The following MLIP variants were observed in gnomAD, a reference collection of about 807,000 sequenced individuals.
MLIP encodes muscular LMNA-interacting protein.
A neutral mutation model predicts 84.8 loss-of-function variants in MLIP; 79 were observed. The ratio of observed to expected loss-of-function variants is 0.93; its 90% confidence interval spans 0.78 to 1.12. MLIP has a LOEUF of 1.12. Among genes scored for constraint, MLIP ranks in the 50% most tolerant of loss-of-function variants. The pLI is 0.00. For synonymous variants in MLIP, 504 were observed against 463.0 expected (o/e 1.09, Z -1.14); for missense variants, 1,257 against 1,160.6 (o/e 1.08, Z -1.21).
At chr6:54,250,088 G>T (rs533310640) in intron 12 of MLIP, among the ~76,000 whole-genome samples, 9 of 151,798 alleles carry the variant, frequency 5.9e-5, no homozygotes, top group Non-Finnish European at 1.3e-4. Flanking sequence ...AGGATGATGC[G>T]TCCAACAATC....
chr6:54,215,927 T>A (rs1224742030), intron 11 of MLIP: 1 of 156,814 alleles, frequency 6.4e-6, no homozygotes, highest in African/African-American at 2.4e-5. Flanking sequence ...ACGCAATATT[T>A]GTCCTTTTGT....
rs1468981727 is a variant in MLIP at position 54,152,948 on chromosome 6, A to G, written c.2289+3821A>G. ...ATGATTAATATTTTTCCATGAAAAT[A>G]TAAATTTTTTCCTTGAAAGTAATTT... On this transcript the variant is annotated intron_variant, in intron 5 of 13. Transcript: ENST00000502396. Among the ~76,000 whole-genome samples the G allele has an allele frequency of 2.6e-5, 4 of 152,258 alleles. No homozygotes were observed. In the East Asian group the frequency reaches 7.7e-4, roughly 29 times the overall value.
At chr6:54,145,075 T>C (rs192948061) in intron 4 of MLIP, among the ~76,000 whole-genome samples, 56 of 152,326 alleles carry the variant, frequency 3.7e-4, no homozygotes, top group African/African-American at 1.2e-3. Context: ...TTTTAAATGT[T>C]TACTGAAAGC....
chr6:54,018,984 C>A (rs775966446), exon 1 of MLIP: 3 of 1,509,892 alleles, frequency 2.0e-6, no homozygotes, highest in Admixed American at 1.7e-5. Flanking sequence ...AGAATCTGAA[C>A]CTCTGTGTCT....
At chr6:54,251,359 A>C (rs1327181633) in intron 12 of MLIP, among the ~76,000 whole-genome samples, 1 of 147,576 alleles carries the variant, frequency 6.8e-6, no homozygotes, top group Non-Finnish European at 1.5e-5. Flanking sequence ...CCTCTAGCAC[A>C]TTGTGATATG....
intron 1 of MLIP, among the ~76,000 whole-genome samples, chr6:54,048,658 G>A (rs767150194): frequency 2.0e-5 from 3 of 152,136 alleles, no homozygotes; most frequent in Admixed American, 1.3e-4. Flanking sequence ...TTAAATATAT[G>A]TTTCCCCTGA....
chr6:54,078,753 A>G (rs906702078), intron 1 of MLIP, among the ~76,000 whole-genome samples: 3 of 140,646 alleles, frequency 2.1e-5, no homozygotes, highest in South Asian at 2.2e-4. Flanking sequence ...GTGCAGTGGC[A>G]TGATCTCAGC....
At chr6:54,178,573 G>A (rs568288636) in intron 9 of MLIP, among the ~76,000 whole-genome samples, 1 of 152,166 alleles carries the variant, frequency 6.6e-6, no homozygotes, top group Admixed American at 6.5e-5. Flanking sequence ...TATCCTGTAG[G>A]TTTTGGTATT....
intron 3 of MLIP, among the ~76,000 whole-genome samples, chr6:54,126,770 C>A (rs560881278): frequency 1.3e-5 from 2 of 152,154 alleles, no homozygotes; most frequent in South Asian, 2.1e-4. Context: ...TTGATGCCAA[C>A]AATATCAAAT....
intron 11 of MLIP, among the ~76,000 whole-genome samples, chr6:54,225,499 T>C (rs1780515416): frequency 6.6e-6 from 1 of 152,224 alleles, no homozygotes; most frequent in African/African-American, 2.4e-5. Context: ...AACAGAGAGT[T>C]GTAGACTATA....
chr6:54,167,806 T>C (rs1037959127), intron 8 of MLIP, among the ~76,000 whole-genome samples: 8 of 151,878 alleles, frequency 5.3e-5, no homozygotes, highest in Non-Finnish European at 1.2e-4. Context: ...CATCTTCAGA[T>C]GATTTGATAT....
chr6:54,252,950 A>G (rs1248333074), intron 12 of MLIP, among the ~76,000 whole-genome samples: 1 of 152,004 alleles, frequency 6.6e-6, no homozygotes, highest in Non-Finnish European at 1.5e-5. Context: ...CATACTTCCT[A>G]AGGCCTCACT....
At position 54,202,127 on chromosome 6, in the gene MLIP, C is replaced by T. The variant is rs756515950; in HGVS notation, c.2612C>T (p.Pro871Leu). The T allele has an allele frequency of 6.3e-7, 1 of 1,594,044 alleles. No individual in the cohort carries two copies. The highest frequency in any genetic ancestry group is 8.6e-7 in the Non-Finnish European group (1 of 1,168,760). ...AAGACTAAGCCTGGAGTAATTCGCC[C>T]AGTACCTGTAAAATCCAGAATATTA... ...SQLTKPGVIR[P>L]VPVKSRILLK... Residue 871 changes from proline to leucine, a missense_variant, in exon 11 of 14, where the codon CCA (proline) becomes CTA (leucine). Transcript: ENST00000502396.
chr6:54,032,345 A>G (rs191554865), intron 1 of MLIP: 11 of 152,240 alleles, frequency 7.2e-5, no homozygotes, highest in African/African-American at 2.4e-4. Context: ...AAATTTTCAT[A>G]TTTATTTTGA....
chr6:54,187,701 C>T (rs1562034105), intron 9 of MLIP, among the ~76,000 whole-genome samples: 1 of 152,074 alleles, frequency 6.6e-6, no homozygotes, highest in African/African-American at 2.4e-5. Flanking sequence ...TTTCAGAAGG[C>T]CCAAAATACA....
intron 11 of MLIP, chr6:54,216,977 TA>T (rs2150759329): frequency 1.0e-6 from 1 of 985,426 alleles, no homozygotes; most frequent in South Asian, 4.7e-5. Flanking sequence ...TGATTTAAAT[TA>T]AAACTGTAGC....
At chr6:54,026,574 G>A (rs567398505) in intron 1 of MLIP, among the ~76,000 whole-genome samples, 281 of 152,312 alleles carry the variant, frequency 1.8e-3, no homozygotes, top group African/African-American at 5.8e-3. Context: ...GGATCATTGG[G>A]AAATTGCTAA....
chr6:54,215,597 C>CA, intron 11 of MLIP: 1 of 187,028 alleles, frequency 5.3e-6, no homozygotes, highest in Non-Finnish European at 1.0e-5. Flanking sequence ...GTACTAGTTA[C>CA]TCTGTGTGTG....
At chr6:54,027,375 ACACACACACACAC>A (rs1182153221) in intron 1 of MLIP, among the ~76,000 whole-genome samples, 1 of 120 alleles carries the variant, frequency 8.3e-3, no homozygotes, top group Non-Finnish European at 0.023. Context: ...TAAAAAAAAT[ACACACACACACAC>A]ACACACACAC....
Sources: allele counts gnomAD v4.1 joint callset (sites outside exome capture counted in the v4.1 genomes callset), GRCh38; gene constraint gnomAD v4.1.1; transcripts MANE v1.5; gene names NCBI Gene and HGNC (gene_info 2026-07-23, HGNC 2026-07-21).